SYT1: variants seen among roughly 807,000 people sequenced by gnomAD.
SYT1 encodes synaptotagmin-1.
In SYT1, 8 loss-of-function variants were observed where a neutral mutation model predicts 44.8. That is an observed-to-expected ratio of 0.18 (90% CI 0.10 to 0.32). SYT1 has a LOEUF of 0.32. Among genes scored for constraint, SYT1 ranks in the 10% least tolerant of loss-of-function variants. The probability of loss-of-function intolerance (pLI) is 1.00; values close to 1 mark genes in which losing one functional copy is unlikely to be tolerated. For synonymous variants in SYT1, 154 were observed against 188.8 expected (o/e 0.82, Z 1.51); for missense variants, 286 against 509.3 (o/e 0.56, Z 4.22).
chr12:79,117,635 C>CTG lies in SYT1; in HGVS notation c.-18+70291_-18+70292dup, dbSNP rs150343028. Among the ~76,000 whole-genome samples the CTG allele has an allele frequency of 2.8e-3, 310 of 112,226 alleles. 1 individual carries two copies. Among genetic ancestry groups the CTG allele is most frequent in the African/African-American group, 6.2e-3 (187 of 30,394 alleles). The allele number at this position is 112,226 out of a possible 152,430, so 73.6% of individuals were successfully genotyped here. On this transcript the variant is annotated intron_variant, in intron 3 of 10. Transcript: ENST00000261205. ...ACCACAGGACAGATCACAGGACAGG[C>CTG]TGTGTGTGTGTGTGTGTGTATTACA...
At chr12:79,052,681 C>G (rs1457938012) in intron 3 of SYT1, among the ~76,000 whole-genome samples, 1 of 151,984 alleles carries the variant, frequency 6.6e-6, no homozygotes, top group Non-Finnish European at 1.5e-5. Flanking sequence ...ACAACCCCAT[C>G]AAAAAGTGGG....
intron 3 of SYT1, among the ~76,000 whole-genome samples, chr12:79,215,199 C>G (rs1195305958): frequency 6.6e-6 from 1 of 151,896 alleles, no homozygotes; most frequent in Non-Finnish European, 1.5e-5. Context: ...TTCTGGGAGG[C>G]CAAGTGCTAT....
chr12:79,373,482 T>A (rs905672914), intron 9 of SYT1, among the ~76,000 whole-genome samples: 3 of 152,294 alleles, frequency 2.0e-5, no homozygotes, highest in African/African-American at 4.8e-5. Context: ...TACTAATTTG[T>A]TAATAATAAA....
chr12:78,938,279 G>A (rs1446321900), intron 1 of SYT1, among the ~76,000 whole-genome samples: 1 of 152,022 alleles, frequency 6.6e-6, no homozygotes, highest in Non-Finnish European at 1.5e-5. Context: ...AGCCATCAGC[G>A]AGTAAGTCCA....
chr12:78,938,400 A>G lies in SYT1; in HGVS notation c.-216-39399A>G, dbSNP rs373623162. On this transcript the variant is annotated intron_variant, in intron 1 of 10. Coordinates refer to ENST00000261205, the MANE Select transcript of SYT1 (RefSeq NM_005639.3). ...ATTGAGAAATGTGGCTCTACTGATA[A>G]GGAAACCTTGTCATAAAGTATGAAT... 1.2e-4 allele frequency among the ~76,000 whole-genome samples: 18 copies of G among 152,308 alleles called. 1 individual carries two copies. Among genetic ancestry groups the G allele is most frequent in the Admixed American group, 5.9e-4 (9 of 15,290 alleles).
intron 8 of SYT1, among the ~76,000 whole-genome samples, chr12:79,308,253 G>A (rs1592950361): frequency 6.6e-6 from 1 of 152,116 alleles, no homozygotes; most frequent in South Asian, 2.1e-4. Context: ...GGCAGGCCGC[G>A]GTGGCTCACG....
intron 8 of SYT1, among the ~76,000 whole-genome samples, chr12:79,314,695 A>C (rs1212166610): frequency 2.6e-5 from 4 of 152,244 alleles, no homozygotes; most frequent in Non-Finnish European, 5.9e-5. Flanking sequence ...TTGCCATGCT[A>C]TCCAACAATT....
chr12:79,160,959 G>A (rs746236677), intron 3 of SYT1, among the ~76,000 whole-genome samples: 1 of 152,084 alleles, frequency 6.6e-6, no homozygotes, highest in African/African-American at 2.4e-5. Flanking sequence ...TGGGCCAGGC[G>A]CAGTGGCTCA....
At position 79,235,022 on chromosome 12, in the gene SYT1, T is replaced by C. The variant is rs569389765; in HGVS notation, c.166+17337T>C. 3.9e-5 allele frequency among the ~76,000 whole-genome samples: 6 copies of C among 152,304 alleles called. No homozygotes were observed. The South Asian group carries it at 8.3e-4, about 21-fold the overall frequency. ...CTGCGCCCAGCCTAGTTTGGGGCTC[T>C]TAAGAATAAAGTTGCAGTAAATATT... On this transcript the variant is annotated intron_variant, in intron 4 of 10. Coordinates refer to ENST00000261205, the MANE Select transcript of SYT1 (RefSeq NM_005639.3).
At chr12:79,073,710 A>G (rs1372293636) in intron 3 of SYT1, among the ~76,000 whole-genome samples, 1 of 152,162 alleles carries the variant, frequency 6.6e-6, no homozygotes, top group Non-Finnish European at 1.5e-5. Context: ...TTACCCTTGC[A>G]GTATTTGTTG....
In SYT1 at chr12:79,217,590, G is replaced by A. The variant is rs571651990; in HGVS notation, c.71G>A (p.Ser24Asn). The A allele has an allele frequency of 6.2e-7, 1 of 1,612,978 alleles. No individual in the cohort carries two copies. Among genetic ancestry groups the A allele is most frequent in the African/African-American group, 1.3e-5 (1 of 74,944 alleles). Residue 24 changes from serine to asparagine, a missense_variant, in exon 4 of 11, where the codon AGC becomes AAC. Ser to Asn is a conservative substitution (Grantham distance 46, BLOSUM62 1). Around this residue, in one of 6 missense-constraint regions of SYT1, gnomAD observed 141 missense variants for 165.7 expected, o/e 0.85. Coordinates refer to ENST00000261205, the MANE Select transcript of SYT1 (RefSeq NM_005639.3). ...PVTTVATVLP[S>N]NATEPASPGE... ...ACCACTGTCGCGACTGTTCTGCCAA[G>A]CAACGCCACAGAGCCAGCCAGTCCT... is the stretch of plus-strand genomic sequence containing the variant.
At chr12:79,415,736 C>G (rs1489325271) in intron 9 of SYT1, among the ~76,000 whole-genome samples, 2 of 152,120 alleles carry the variant, frequency 1.3e-5, no homozygotes, top group Non-Finnish European at 2.9e-5. Context: ...AGCAGAATTC[C>G]TGACTGAAAG....
At chr12:78,866,129 C>G (rs1193462627) in intron 1 of SYT1, among the ~76,000 whole-genome samples, 1 of 152,130 alleles carries the variant, frequency 6.6e-6, no homozygotes. Flanking sequence ...TTAACCCTTT[C>G]GTGAAATAAA....
chr12:78,950,142 C>T (rs1052243365), intron 1 of SYT1, among the ~76,000 whole-genome samples: 1 of 151,992 alleles, frequency 6.6e-6, no homozygotes, highest in African/African-American at 2.4e-5. Flanking sequence ...TTTGGTAGTG[C>T]ATGAATATGT....
At chr12:78,907,770 A>T (rs1305688192) in intron 1 of SYT1, among the ~76,000 whole-genome samples, 1 of 152,074 alleles carries the variant, frequency 6.6e-6, no homozygotes, top group East Asian at 1.9e-4. Flanking sequence ...TGAAATAAAA[A>T]TGTGAGTTTG....
At chr12:79,229,580 GT>G (rs1450881339) in intron 4 of SYT1, among the ~76,000 whole-genome samples, 2 of 138,918 alleles carry the variant, frequency 1.4e-5, no homozygotes, top group South Asian at 2.3e-4. Context: ...AAGCAGTAGG[GT>G]TTTTTTTATT....
intron 8 of SYT1, among the ~76,000 whole-genome samples, chr12:79,304,809 G>A (rs10861839): frequency 0.27 from 40,205 of 151,632 alleles, 6,229 homozygotes; most frequent in East Asian, 0.58. Flanking sequence ...ATATAGTTTA[G>A]TAGTATTGAA....
intron 2 of SYT1, among the ~76,000 whole-genome samples, chr12:78,978,567 C>A (rs570556008): frequency 1.3e-5 from 2 of 152,194 alleles, no homozygotes; most frequent in South Asian, 4.1e-4. Flanking sequence ...AATTACCATT[C>A]TTCATTAACC....
intron 3 of SYT1, among the ~76,000 whole-genome samples, chr12:79,069,717 T>A (rs1876133507): frequency 6.6e-6 from 1 of 152,126 alleles, no homozygotes; most frequent in Non-Finnish European, 1.5e-5. Context: ...AAGGATATAG[T>A]CAGATGTTAA....
Sources: gnomAD v4.1 joint callset for allele counts (sites outside exome capture counted in the v4.1 genomes callset) on GRCh38, gnomAD v4.1.1 for gene constraint, gnomAD v4.1.1 regional missense constraint, MANE v1.5 for transcripts, NCBI Gene and HGNC (gene_info 2026-07-23, HGNC 2026-07-21) for gene names.